The following GALNT10 variants were observed in gnomAD, a reference collection of about 807,000 sequenced individuals.
GALNT10 encodes the protein polypeptide N-acetylgalactosaminyltransferase 10.
GALNT10 carries 41 observed loss-of-function variants against 75.0 expected under a neutral mutation model. The observed-to-expected ratio is 0.55, with a 90% CI of 0.43 to 0.71. The LOEUF (loss-of-function observed/expected upper bound fraction) is 0.71. Ranked by LOEUF, GALNT10 falls within the 30% of genes least tolerant of loss-of-function variation. The pLI is 0.00. For missense variants in GALNT10, 727 were observed against 818.5 expected (o/e 0.89, Z 1.36); for synonymous variants, 302 against 313.0 (o/e 0.96, Z 0.37).
rs892520170 is a variant in GALNT10, at chr5:154,352,376, G to A, written c.568+22638G>A. Among the ~76,000 whole-genome samples, 34 of 152,224 alleles carry A rather than the reference G, an allele frequency of 2.2e-4. No individual in the cohort carries two copies. The highest frequency in any genetic ancestry group is 8.2e-4 in the African/African-American group (34 of 41,454). On this transcript the variant is annotated intron_variant, in intron 4 of 11. Coordinates refer to ENST00000297107, the MANE Select transcript of GALNT10 (RefSeq NM_198321.4). The surrounding 1 kb of genome is among the most constrained non-coding windows in gnomAD (Gnocchi z 4.4). ...TGTTTAATTTGGGTTTCCACCTGGGGATCCTGGCCCTAGATAAAGTGCTTA... is the reference window on the plus strand; with the variant it reads ...TGTTTAATTTGGGTTTCCACCTGGGAATCCTGGCCCTAGATAAAGTGCTTA...
chr5:154,404,312 G>T, intron 8 of GALNT10, 101 bp downstream of exon 8: 1 of 621,714 alleles, frequency 1.6e-6, no homozygotes, highest in South Asian at 2.1e-5. Flanking sequence ...GTGATCTCTG[G>T]GTTTGAGGAT....
In GALNT10 at chr5:154,202,994, G is replaced by C. The variant is rs1775051077; in HGVS notation, c.159+11969G>C. Among the ~76,000 whole-genome samples the C allele has an allele frequency of 2.0e-5, 3 of 152,238 alleles. No homozygotes were observed. The South Asian group carries it at 6.2e-4, about 31-fold the overall frequency. Reference sequence around the variant, plus strand: ...TCCAAGCCCTGCCAGGGAACAATGGGGCACGTTAAGAAGGCTGCCAAGTGC... The same window carrying C: ...TCCAAGCCCTGCCAGGGAACAATGGCGCACGTTAAGAAGGCTGCCAAGTGC... On this transcript the variant is annotated intron_variant, in intron 1 of 11. Transcript: ENST00000297107.
chr5:154,288,184 A>T (rs1388226872), intron 1 of GALNT10, among the ~76,000 whole-genome samples: 2 of 152,132 alleles, frequency 1.3e-5, no homozygotes, highest in African/African-American at 4.8e-5. Context: ...TCCTTCCAAC[A>T]TTGCTGTTTG....
chr5:154,249,867 T>C lies in GALNT10; in HGVS notation c.160-44949T>C, dbSNP rs191032112. On this transcript the variant is annotated intron_variant, in intron 1 of 11. Coordinates refer to ENST00000297107, the MANE Select transcript of GALNT10 (RefSeq NM_198321.4). ...CTTGCTACCCCACAGATCACCCATGTTGGCCTCCTTGGCCTTCAGGGGCAT... is the reference window on the plus strand; with the variant it reads ...CTTGCTACCCCACAGATCACCCATGCTGGCCTCCTTGGCCTTCAGGGGCAT... Among the ~76,000 whole-genome samples the C allele has an allele frequency of 2.6e-3, 401 of 152,330 alleles. 3 individuals are homozygous for C. Among genetic ancestry groups the C allele is most frequent in the Non-Finnish European group, 4.0e-3 (272 of 68,026 alleles).
chr5:154,264,478 G>A (rs1365649213), intron 1 of GALNT10, among the ~76,000 whole-genome samples: 1 of 152,114 alleles, frequency 6.6e-6, no homozygotes, highest in Non-Finnish European at 1.5e-5. Flanking sequence ...CAAGCATTAT[G>A]ATATCTGCAG....
At chr5:154,247,818 G>T (rs2113672349) in intron 1 of GALNT10, among the ~76,000 whole-genome samples, 1 of 152,276 alleles carries the variant, frequency 6.6e-6, no homozygotes, top group East Asian at 1.9e-4. Context: ...TCTCCTGCCT[G>T]ATTGCCCTGG....
At chr5:154,340,237 G>GA (rs568341111) in intron 4 of GALNT10, among the ~76,000 whole-genome samples, 1 of 152,022 alleles carries the variant, frequency 6.6e-6, no homozygotes, top group Non-Finnish European at 1.5e-5. Context: ...ATCACAGAGG[G>GA]AAAAAAAGCA....
At chr5:154,397,434 G>A (rs1265438704) in intron 7 of GALNT10, among the ~76,000 whole-genome samples, 3 of 152,150 alleles carry the variant, frequency 2.0e-5, no homozygotes, top group Non-Finnish European at 4.4e-5. Context: ...TGTCCTCTGA[G>A]CTTCTACATT....
intron 1 of GALNT10, among the ~76,000 whole-genome samples, chr5:154,198,166 G>A (rs1483611547): frequency 3.3e-5 from 5 of 152,292 alleles, no homozygotes; most frequent in East Asian, 1.9e-4. Flanking sequence ...GTGGGGCTGC[G>A]TATAGTGCTC....
Position 154,321,310 on chromosome 5 carries a change from C to CT in GALNT10, c.402-8251dup, listed in dbSNP as rs34946323. On this transcript the variant is annotated intron_variant, in intron 3 of 11. Transcript: ENST00000297107. Reference sequence around the variant, plus strand: ...AGATGTCACAAGTTTCTCCTCAAAACTTTTTTTTTTTCTCCTTGAGACACG... The same window carrying CT: ...AGATGTCACAAGTTTCTCCTCAAAACTTTTTTTTTTTTCTCCTTGAGACACG... Among the ~76,000 whole-genome samples, 97 of 148,734 alleles carry CT rather than the reference C, an allele frequency of 6.5e-4. 1 individual carries two copies. The highest frequency in any genetic ancestry group is 4.2e-3 in the East Asian group (21 of 5,016).
intron 1 of GALNT10, among the ~76,000 whole-genome samples, chr5:154,221,699 G>A (rs1044751287): frequency 2.0e-5 from 3 of 152,228 alleles, no homozygotes; most frequent in Non-Finnish European, 4.4e-5. Flanking sequence ...CTTGGGTACT[G>A]AAGAAATTAG....
At chr5:154,248,551 G>T (rs2113672767) in intron 1 of GALNT10, among the ~76,000 whole-genome samples, 1 of 152,326 alleles carries the variant, frequency 6.6e-6, no homozygotes, top group Non-Finnish European at 1.5e-5. Flanking sequence ...GGGTGTATGT[G>T]TTGAGGAATT....
At chr5:154,355,461 AT>A (rs1283583039) in intron 4 of GALNT10, among the ~76,000 whole-genome samples, 2 of 152,138 alleles carry the variant, frequency 1.3e-5, no homozygotes, top group Non-Finnish European at 2.9e-5. Flanking sequence ...TCCCCCTCCC[AT>A]TCCGGGCCTG....
chr5:154,317,846 C>G (rs747429792), intron 3 of GALNT10, among the ~76,000 whole-genome samples: 1 of 152,264 alleles, frequency 6.6e-6, no homozygotes, highest in Non-Finnish European at 1.5e-5. Context: ...GGGTCCCCGA[C>G]TGATGCCAGT....
In GALNT10 at chr5:154,386,427, C is replaced by G; in HGVS notation, c.1053C>G (p.Phe351Leu). 6.3e-7 allele frequency: 1 copy of G among 1,586,648 alleles called. No individual in the cohort carries two copies. The highest frequency in any genetic ancestry group is 1.7e-4 in the Middle Eastern group (1 of 6,018). ...IWGGEQYEIS[F>L]KVWMCGGRME... ...GAGGGGAGCAGTATGAAATCTCCTT[C>G]AAGGTGAGCCAGCTCTCCAGACGCC... The change falls in exon 7 of 12, where the codon TTC (phenylalanine) becomes TTG (leucine). Residue 351 changes from phenylalanine (F) to leucine (L), a missense_variant. Coordinates refer to ENST00000297107, the MANE Select transcript of GALNT10 (RefSeq NM_198321.4).
At chr5:154,237,802 C>G (rs978131278) in intron 1 of GALNT10, among the ~76,000 whole-genome samples, 1 of 152,172 alleles carries the variant, frequency 6.6e-6, no homozygotes, top group Non-Finnish European at 1.5e-5. Flanking sequence ...TTCCTTGCAT[C>G]ACATCAAGGA....
In GALNT10 at chr5:154,420,278, CA is replaced by C. The variant is rs1196622416; in HGVS notation, c.*3307del. ...AAATGGATTTCCAAAGTCTACATGA[CA>C]TTCACTTTTCAAACTTCCCACCAGT... On this transcript the variant is annotated 3_prime_UTR_variant, in exon 12 of 12. Coordinates refer to ENST00000297107, the MANE Select transcript of GALNT10 (RefSeq NM_198321.4). The C allele has an allele frequency of 1.3e-5, 2 of 152,246 alleles. No individual in the cohort carries two copies. Among genetic ancestry groups the C allele is most frequent in the East Asian group, 3.8e-4 (2 of 5,202 alleles). 9.4% of individuals were successfully genotyped at this position (152,246 alleles called of 1,614,324 possible). A position where few individuals can be genotyped will look rare whatever the true frequency, so the allele number is the denominator to read the frequency against.
intron 3 of GALNT10, among the ~76,000 whole-genome samples, chr5:154,305,034 G>A (rs2113087376): frequency 6.6e-6 from 1 of 152,316 alleles, no homozygotes; most frequent in African/African-American, 2.4e-5. Flanking sequence ...GGGTGCAGTG[G>A]CTTGCACCTG....
chr5:154,267,873 A>G (rs1009133985), intron 1 of GALNT10, among the ~76,000 whole-genome samples: 3 of 152,040 alleles, frequency 2.0e-5, no homozygotes, highest in Non-Finnish European at 4.4e-5. Context: ...GAAACTTGAC[A>G]CCTCTAGTTT....
Sources: allele counts gnomAD v4.1 joint callset (sites outside exome capture counted in the v4.1 genomes callset), GRCh38; gene constraint gnomAD v4.1.1; non-coding constraint Gnocchi (gnomAD v3.1); transcripts MANE v1.5; gene names NCBI Gene and HGNC (gene_info 2026-07-23, HGNC 2026-07-21).